The following XPO6 variants were observed in gnomAD, a reference collection of about 807,000 sequenced individuals.
XPO6 encodes exportin 6.
XPO6 carries 3 observed loss-of-function variants against 130.0 expected under a neutral mutation model. That is an observed-to-expected ratio of 0.02 (90% CI 0.01 to 0.06). The LOEUF is 0.06. Among genes scored for constraint, XPO6 ranks in the 10% least tolerant of loss-of-function variants. XPO6 has a pLI of 1.00. For missense variants in XPO6, 970 were observed against 1,393.0 expected (o/e 0.70, Z 4.83); for synonymous variants, 524 against 548.9 (o/e 0.95, Z 0.63).
chr16:28,127,702 G>T (rs1210356217), intron 12 of XPO6, among the ~76,000 whole-genome samples: 2 of 152,214 alleles, frequency 1.3e-5, no homozygotes, highest in East Asian at 1.9e-4. Context: ...AAGGGATGAG[G>T]CTCGCAACAG....
intron 1 of XPO6, among the ~76,000 whole-genome samples, chr16:28,186,249 A>C (rs556550368): frequency 2.2e-4 from 34 of 152,010 alleles, no homozygotes; most frequent in Non-Finnish European, 4.3e-4. Flanking sequence ...CGGAGCCCTA[A>C]TCATCTCCTG....
In XPO6 at chr16:28,132,632, C is replaced by T. The variant is rs184545505; in HGVS notation, c.1537-229G>A. ...TTAATACACAGAATAAGAAAGAAAA[C>T]GTATTAGTTCAACCCTTTTTTTAAA... On this transcript the variant is annotated intron_variant, in intron 11 of 23. Transcript: ENST00000304658. The surrounding 1 kb of genome is among the most constrained non-coding windows in gnomAD (Gnocchi z 4.0). Among the ~76,000 whole-genome samples, 255 of 143,542 alleles carry T rather than the reference C, an allele frequency of 1.8e-3. No homozygotes were observed. Among genetic ancestry groups the T allele is most frequent in the South Asian group, 7.0e-3 (31 of 4,408 alleles). The allele number at this position is 143,542 out of a possible 152,430, so 94.2% of individuals were successfully genotyped here. A position where few individuals can be genotyped will look rare whatever the true frequency, so the allele number is the denominator to read the frequency against.
At chr16:28,145,009 C>T (rs772478995) in intron 9 of XPO6, among the ~76,000 whole-genome samples, 2 of 152,148 alleles carry the variant, frequency 1.3e-5, no homozygotes. Flanking sequence ...CTTATAAATA[C>T]TGTGCAAAGA....
intron 10 of XPO6, 39 bp downstream of exon 10, chr16:28,135,177 A>C (rs1203975997): frequency 5.8e-6 from 9 of 1,548,240 alleles, no homozygotes; most frequent in Admixed American, 1.7e-5. Flanking sequence ...ATGTCACAAC[A>C]TGACAGCGAC....
chr16:28,101,481 C>T lies in XPO6; in HGVS notation c.3253G>A (p.Gly1085Arg), dbSNP rs763062981. Residue 1085 changes from glycine to arginine, a missense_variant, in exon 23 of 24, where the codon GGG (glycine) becomes AGG (arginine). Around this residue, in one of 4 missense-constraint regions of XPO6, gnomAD observed 936 missense variants for 1,306.8 expected, o/e 0.72. Transcript: ENST00000304658. This position sits in a 1 kb window ranked among gnomAD's most constrained non-coding sequence, Gnocchi z 5.4. ...GVDANQKSVL[G>R]RNFKMDRDLP... is the part of the protein sequence containing the mutation. ...ACCCGATCCATCTTGAAATTCCGCC[C>T]CAGCACACTTTTCTGGTTGGCATCC... is the stretch of plus-strand genomic sequence containing the variant. 1 of 1,614,188 alleles carries T rather than the reference C, an allele frequency of 6.2e-7. No homozygotes were observed. Among genetic ancestry groups the T allele is most frequent in the East Asian group, 2.2e-5 (1 of 44,882 alleles).
chr16:28,177,184 C>T (rs1238173191), intron 3 of XPO6, 36 bp downstream of exon 3: 6 of 1,454,572 alleles, frequency 4.1e-6, no homozygotes, highest in Non-Finnish European at 5.7e-6. Flanking sequence ...ACTACAAAAT[C>T]CTTTTCAGAA....
chr16:28,172,562 G>A (rs2043467156), intron 4 of XPO6, among the ~76,000 whole-genome samples: 1 of 152,108 alleles, frequency 6.6e-6, no homozygotes, highest in Admixed American at 6.5e-5. Context: ...GCAGGCAGGT[G>A]GGAAGGAAAG....
In XPO6 at chr16:28,181,018, G is replaced by C. The variant is rs765093671; in HGVS notation, c.17C>G (p.Ala6Gly). ...CAGACTTTCCAATGCCCTGAGAGAGGCTTCTTCAGATGCCTAACAAAGGAA... is the reference window on the plus strand; with the variant it reads ...CAGACTTTCCAATGCCCTGAGAGAGCCTTCTTCAGATGCCTAACAAAGGAA... MASEE[A>G]SLRALESLMT... The change falls in exon 2 of 24, where the codon GCC (alanine) becomes GGC (glycine). Residue 6 changes from alanine (A) to glycine (G), a missense_variant. Around this residue, in one of 4 missense-constraint regions of XPO6, gnomAD observed 21 missense variants for 34.8 expected, o/e 0.60. Transcript: ENST00000304658. 1.9e-5 allele frequency: 30 copies of C among 1,611,376 alleles called. No homozygotes were observed. The highest frequency in any genetic ancestry group is 2.5e-5 in the Non-Finnish European group (30 of 1,179,078).
At chr16:28,185,416 A>T (rs2043678467) in intron 1 of XPO6, among the ~76,000 whole-genome samples, 1 of 152,218 alleles carries the variant, frequency 6.6e-6, no homozygotes. Context: ...TGGTGTTATA[A>T]TCAGACTAGT....
chr16:28,111,745 A>T, intron 17 of XPO6, 72 bp downstream of exon 17: 1 of 1,551,098 alleles, frequency 6.4e-7, no homozygotes, highest in South Asian at 1.2e-5. Context: ...CTCCGGGGCA[A>T]ATCTCATCTG....
At chr16:28,183,417 T>C (rs1425659304) in intron 1 of XPO6, 3 of 116,724 alleles carry the variant, frequency 2.6e-5, no homozygotes, top group African/African-American at 1.0e-4. Flanking sequence ...ACTACTACAC[T>C]TCACTAGTTT....
intron 1 of XPO6, among the ~76,000 whole-genome samples, chr16:28,205,115 T>C (rs779276406): frequency 1.3e-5 from 2 of 152,034 alleles, no homozygotes; most frequent in Non-Finnish European, 2.9e-5. Context: ...TACAGGCCAC[T>C]CCTTCCTGGG....
intron 1 of XPO6, among the ~76,000 whole-genome samples, chr16:28,202,340 G>T (rs2043966795): frequency 1.3e-5 from 2 of 152,220 alleles, no homozygotes; most frequent in South Asian, 4.1e-4. Context: ...TGCTCTGAAT[G>T]ACTGGGGTTC....
chr16:28,103,914 C>T (rs949266042), intron 21 of XPO6, among the ~76,000 whole-genome samples: 6 of 152,228 alleles, frequency 3.9e-5, no homozygotes, highest in African/African-American at 1.4e-4. Flanking sequence ...CCAAAAGAGA[C>T]TCCCCTAGCT....
rs77910139 is a variant in XPO6, at chr16:28,184,158, C to G, written c.4-3127G>C. Reference sequence around the variant, plus strand: ...GGGACAAAGAACATAAAACAAAATCCAAGTGCCATCGTGTGGTAGGGAGAC... The same window carrying G: ...GGGACAAAGAACATAAAACAAAATCGAAGTGCCATCGTGTGGTAGGGAGAC... On this transcript the variant is annotated intron_variant, in intron 1 of 23. Transcript: ENST00000304658. Among the ~76,000 whole-genome samples, 724 of 152,262 alleles carry G rather than the reference C, an allele frequency of 4.8e-3. 3 individuals carry two copies. Among genetic ancestry groups the G allele is most frequent in the African/African-American group, 0.017 (700 of 41,544 alleles).
chr16:28,135,245 C>T lies in XPO6; in HGVS notation c.1414G>A (p.Glu472Lys), dbSNP rs1406929047. The change falls in exon 10 of 24, where the codon GAG (glutamate) becomes AAG (lysine). Residue 472 changes from glutamate to lysine, a missense_variant. By Grantham distance (56) the Glu-to-Lys change is moderately conservative. Transcript: ENST00000304658. ...TCATCCAGAGTCTCATCATCCAACTCCTCCAGCTGGGCTTGGTTGTATCTG... is the reference window on the plus strand; with the variant it reads ...TCATCCAGAGTCTCATCATCCAACTTCTCCAGCTGGGCTTGGTTGTATCTG... ...QFRYNQAQLE[E>K]LDDETLDDDQ... 1 of 1,613,850 alleles carries T rather than the reference C, an allele frequency of 6.2e-7. No homozygotes were observed. The highest frequency in any genetic ancestry group is 8.5e-7 in the Non-Finnish European group (1 of 1,179,922).
chr16:28,120,907 T>C (rs888495856), intron 14 of XPO6, among the ~76,000 whole-genome samples: 3 of 152,252 alleles, frequency 2.0e-5, no homozygotes, highest in Non-Finnish European at 2.9e-5. Context: ...AGACCGTATG[T>C]AAATCAATGT....
chr16:28,132,194 T>C lies in XPO6; in HGVS notation c.1606+140A>G. 1 of 678,244 alleles carries C rather than the reference T, an allele frequency of 1.5e-6. No individual in the cohort carries two copies. Among genetic ancestry groups the C allele is most frequent in the East Asian group, 2.9e-5 (1 of 34,332 alleles). 42.0% of individuals were successfully genotyped at this position (678,244 alleles called of 1,614,324 possible). A position where few individuals can be genotyped will look rare whatever the true frequency, so the allele number is the denominator to read the frequency against. ...ATCATAAGCCTTTAAAAACGTTCCCTGTTTCGAAGTGGGGAGAGATGCCAG... is the reference window on the plus strand; with the variant it reads ...ATCATAAGCCTTTAAAAACGTTCCCCGTTTCGAAGTGGGGAGAGATGCCAG... On this transcript the variant is annotated intron_variant, in intron 12 of 23. Transcript: ENST00000304658. This position sits in a 1 kb window ranked among gnomAD's most constrained non-coding sequence, Gnocchi z 4.0.
chr16:28,211,225 G>A, intron 1 of XPO6, 141 bp downstream of exon 1: 2 of 830,476 alleles, frequency 2.4e-6, no homozygotes, highest in Non-Finnish European at 3.3e-6. Flanking sequence ...TGCACACTCT[G>A]CACGCATGTG....
Sources: gnomAD v4.1 joint callset for allele counts (sites outside exome capture counted in the v4.1 genomes callset) on GRCh38, gnomAD v4.1.1 for gene constraint, gnomAD v4.1.1 regional missense constraint, Gnocchi (gnomAD v3.1) non-coding constraint, MANE v1.5 for transcripts, NCBI Gene and HGNC (gene_info 2026-07-23, HGNC 2026-07-21) for gene names.